Variants in OC90 observed in about 807,000 individuals in gnomAD.
OC90 encodes otoconin 90.
OC90 carries 46 observed loss-of-function variants against 47.3 expected under a neutral mutation model. That is an observed-to-expected ratio of 0.97 (90% CI 0.77 to 1.24). The LOEUF (loss-of-function observed/expected upper bound fraction) is 1.24, where lower values mean the gene tolerates loss of function less well. Among genes scored for constraint, OC90 ranks in the 50% most tolerant of loss-of-function variants. The probability of loss-of-function intolerance (pLI) is 0.00; values close to 1 mark genes in which losing one functional copy is unlikely to be tolerated. For missense variants in OC90, 688 were observed against 583.9 expected, an observed-to-expected ratio of 1.18 and a Z score of -1.84; for synonymous variants, 271 against 219.5, an observed-to-expected ratio of 1.23 and a Z score of -2.07.
intron 2 of OC90, among the ~76,000 whole-genome samples, chr8:132,049,399 G>A (rs1350394166): frequency 1.3e-5 from 2 of 152,154 alleles, no homozygotes; most frequent in Non-Finnish European, 2.9e-5. Flanking sequence ...CTACCTGCCC[G>A]AGGATCTCAC....
chr8:132,030,580 C>T (rs1294560690), intron 12 of OC90, among the ~76,000 whole-genome samples: 1 of 152,206 alleles, frequency 6.6e-6, no homozygotes, highest in African/African-American at 2.4e-5. Context: ...TACTCAAAAA[C>T]CTTGACACTA....
chr8:132,037,517 G>A, intron 8 of OC90, 29 bp from the exon 9 acceptor site: 1 of 1,557,954 alleles, frequency 6.4e-7, no homozygotes, highest in Non-Finnish European at 8.7e-7. Context: ...CAATAGCAGT[G>A]ACTCATGCAA....
chr8:132,050,209 G>C (rs1823193425), intron 2 of OC90, among the ~76,000 whole-genome samples: 1 of 152,120 alleles, frequency 6.6e-6, no homozygotes, highest in African/African-American at 2.4e-5. Context: ...AGTTGGCTGT[G>C]GGGAGGGCAG....
intron 1 of OC90, among the ~76,000 whole-genome samples, chr8:132,057,550 A>G (rs1586718479): frequency 6.6e-6 from 1 of 152,208 alleles, no homozygotes; most frequent in African/African-American, 2.4e-5. Context: ...GGAAGATGAA[A>G]AAGTCCTGGA....
chr8:132,025,587 G>T (rs1249746431), intron 13 of OC90, among the ~76,000 whole-genome samples: 1 of 152,152 alleles, frequency 6.6e-6, no homozygotes, highest in African/African-American at 2.4e-5. Flanking sequence ...CCGGGGGAGG[G>T]ATGAAAGGAA....
At chr8:132,052,211 A>G (rs12114417) in intron 2 of OC90, among the ~76,000 whole-genome samples, 3,791 of 152,214 alleles carry the variant, frequency 0.025, 136 homozygotes, top group African/African-American at 0.084. Context: ...CTTTGAGGGG[A>G]CTGTGACCTG....
intron 5 of OC90, 23 bp from the exon 6 acceptor site, chr8:132,041,179 C>T: frequency 6.7e-7 from 1 of 1,501,440 alleles, no homozygotes; most frequent in Non-Finnish European, 9.3e-7. Context: ...CGGGAGGAGG[C>T]AGGGTGAGAG....
intron 11 of OC90, among the ~76,000 whole-genome samples, 169 bp from the exon 12 acceptor site, chr8:132,032,221 C>T (rs952564900): frequency 6.6e-6 from 1 of 152,208 alleles, no homozygotes; most frequent in Non-Finnish European, 1.5e-5. Flanking sequence ...TATGGCTCAT[C>T]CCCTGCTTGG....
chr8:132,046,649 G>A (rs1823137643), intron 2 of OC90, among the ~76,000 whole-genome samples: 1 of 152,212 alleles, frequency 6.6e-6, no homozygotes, highest in South Asian at 2.1e-4. Flanking sequence ...TAAAAGTTCA[G>A]AGAGCTTATA....
rs931995761 is a variant in OC90 at position 132,024,751 on chromosome 8, C to T, written c.1164G>A (p.Lys388=). 6.2e-7 allele frequency: 1 copy of T among 1,613,474 alleles called. No homozygotes were observed. The highest frequency in any genetic ancestry group is 8.5e-7 in the Non-Finnish European group (1 of 1,179,738). ...CCGTCTGGTCACAGGCACAGAGCAA[C>T]TTCTCACACAGGCTTTGGCCCCCAC... ...PKCGGQSLCE[K]LLCACDQTAA... is the part of the protein sequence containing the mutation. The change falls in exon 14 of 14, where the codon AAG becomes AAA. Residue 388 remains lysine (K), a synonymous_variant. Coordinates refer to ENST00000254627, the MANE Select transcript of OC90 (RefSeq NM_001080399.3).
chr8:132,040,266 G>A (rs1823033705), intron 6 of OC90, among the ~76,000 whole-genome samples: 1 of 152,182 alleles, frequency 6.6e-6, no homozygotes, highest in African/African-American at 2.4e-5. Context: ...GTGGCTTTGG[G>A]CAAGTTATTT....
chr8:132,053,154 C>A (rs1166439501), intron 2 of OC90, among the ~76,000 whole-genome samples: 1 of 152,110 alleles, frequency 6.6e-6, no homozygotes, highest in Non-Finnish European at 1.5e-5. Context: ...GTTCAAGGAT[C>A]CCTGCCTGAC....
chr8:132,033,072 C>A lies in OC90; in HGVS notation c.826G>T (p.Val276Phe), dbSNP rs747627527. The A allele has an allele frequency of 6.2e-7, 1 of 1,610,602 alleles. No individual in the cohort carries two copies. The highest frequency in any genetic ancestry group is 8.5e-7 in the Non-Finnish European group (1 of 1,178,548). The change falls in exon 11 of 14, where the codon GTT becomes TTT. Residue 276 changes from valine to phenylalanine, a missense_variant. By Grantham distance (50) the Val-to-Phe change is conservative (BLOSUM62 -1). Coordinates refer to ENST00000254627, the MANE Select transcript of OC90 (RefSeq NM_001080399.3). ...GTGGTCTCCTCAGGATCATTTTCAA[C>A]AGATGACACTGCCAGCCCCAGAGAT... ...IKSLGLAVSS[V>F]ENDPEETTEK...
intron 4 of OC90, among the ~76,000 whole-genome samples, chr8:132,043,473 G>T (rs1823083909): frequency 6.6e-6 from 1 of 152,224 alleles, no homozygotes; most frequent in South Asian, 2.1e-4. Context: ...CATATCAACA[G>T]TTTCCAACTC....
At chr8:132,035,862 A>T (rs1822951454) in intron 9 of OC90, among the ~76,000 whole-genome samples, 1 of 152,212 alleles carries the variant, frequency 6.6e-6, no homozygotes, top group South Asian at 2.1e-4. Flanking sequence ...AATTCAGAGG[A>T]TGTTTGTAAG....
chr8:132,049,689 C>T, intron 2 of OC90: 1 of 400,278 alleles, frequency 2.5e-6, no homozygotes, highest in Non-Finnish European at 5.3e-6. Flanking sequence ...GACTGACAGC[C>T]CTTTCCATAT....
chr8:132,052,831 G>A (rs950281849), intron 2 of OC90, among the ~76,000 whole-genome samples: 1 of 152,170 alleles, frequency 6.6e-6, no homozygotes, highest in African/African-American at 2.4e-5. Context: ...CTTCTCCTCA[G>A]TATTGCAAGG....
chr8:132,028,547 A>G (rs12114878), intron 13 of OC90, among the ~76,000 whole-genome samples: 2 of 16,302 alleles, frequency 1.2e-4, no homozygotes, highest in African/African-American at 1.9e-4. Flanking sequence ...AGAAAGAAAG[A>G]AAGAAAGAAA....
At chr8:132,038,552 T>A (rs111760350) in intron 8 of OC90, among the ~76,000 whole-genome samples, 1,579 of 152,338 alleles carry the variant, frequency 0.01, 26 homozygotes, top group African/African-American at 0.036. Flanking sequence ...CTGGATTAAA[T>A]TCACACTTGT....
Sources: allele counts gnomAD v4.1 joint callset (sites outside exome capture counted in the v4.1 genomes callset), GRCh38; gene constraint gnomAD v4.1.1; transcripts MANE v1.5; gene names NCBI Gene and HGNC (gene_info 2026-07-23, HGNC 2026-07-21).